ADAMTS10: variants seen among roughly 807,000 people sequenced by gnomAD.
ADAMTS10 encodes A disintegrin and metalloproteinase with thrombospondin motifs 10.
ADAMTS10 carries 48 observed loss-of-function variants against 135.9 expected under a neutral mutation model. The observed-to-expected ratio is 0.35, with a 90% confidence interval of 0.28 to 0.45. The LOEUF (loss-of-function observed/expected upper bound fraction) is 0.45. Among genes scored for constraint, ADAMTS10 ranks in the 20% least tolerant of loss-of-function variants. The pLI is 1.00. For missense variants in ADAMTS10, 1,131 were observed against 1,565.2 expected (o/e 0.72, Z 4.68); for synonymous variants, 621 against 647.5 (o/e 0.96, Z 0.62).
intron 15 of ADAMTS10, 35 bp from the exon 16 acceptor site, chr19:8,590,026 G>C: frequency 6.8e-7 from 1 of 1,479,714 alleles, no homozygotes. Flanking sequence ...AGGGAGGCCA[G>C]GCTTGGGGGG....
chr19:8,585,334 C>A (rs1411077838), intron 23 of ADAMTS10, 26 bp from the exon 24 acceptor site: 5 of 1,533,076 alleles, frequency 3.3e-6, no homozygotes, highest in Non-Finnish European at 3.5e-6. Flanking sequence ...GCGTTTCGTG[C>A]TCAGGGTGCT....
intron 12 of ADAMTS10, among the ~76,000 whole-genome samples, chr19:8,594,396 C>A (rs2042579732): frequency 6.6e-6 from 1 of 152,190 alleles, no homozygotes; most frequent in Non-Finnish European, 1.5e-5. Context: ...GGACCAGGCA[C>A]CAGGCTGAAC....
intron 4 of ADAMTS10, 82 bp from the exon 5 acceptor site, chr19:8,603,966 A>T: frequency 1.4e-6 from 2 of 1,382,428 alleles, no homozygotes; most frequent in Non-Finnish European, 2.0e-6. Flanking sequence ...CTCTGTCTTT[A>T]TGATTTCATT....
intron 6 of ADAMTS10, among the ~76,000 whole-genome samples, chr19:8,599,843 AT>A (rs1286068088): frequency 6.0e-5 from 9 of 149,360 alleles, no homozygotes; most frequent in African/African-American, 1.7e-4. Context: ...TTATTTTTTT[AT>A]TTTTTTTTGA....
intron 25 of ADAMTS10, among the ~76,000 whole-genome samples, chr19:8,584,106 G>A (rs1354892782): frequency 2.2e-5 from 3 of 135,290 alleles, no homozygotes; most frequent in African/African-American, 8.5e-5. Flanking sequence ...GCAGTGAGCC[G>A]AGATCAGGTC....
In ADAMTS10 at chr19:8,595,820, T is replaced by C; in HGVS notation, c.1421A>G (p.Asp474Gly). 2 of 1,613,982 alleles carry C rather than the reference T, an allele frequency of 1.2e-6. No individual in the cohort carries two copies. Among genetic ancestry groups the C allele is most frequent in the Non-Finnish European group, 1.7e-6 (2 of 1,179,918 alleles). ...YPTVAPGQAYDADEQCRFQHG... is the reference protein window; with the variant it reads ...YPTVAPGQAYGADEQCRFQHG... ...CTGAAAGCGGCATTGCTCATCTGCA[T>C]CGTAGGCTTGGCCCGGTGCCACTGT... Residue 474 changes from aspartate to glycine, a missense_variant, in exon 12 of 26, where the codon GAT (aspartate) becomes GGT (glycine). Coordinates refer to ENST00000597188, the MANE Select transcript of ADAMTS10 (RefSeq NM_030957.4).
chr19:8,581,672 T>C (rs2042352154), intron 25 of ADAMTS10, among the ~76,000 whole-genome samples: 1 of 151,760 alleles, frequency 6.6e-6, no homozygotes, highest in Non-Finnish European at 1.5e-5. Context: ...CCATCTCTAC[T>C]AAAAATATAA....
chr19:8,602,204 T>C (rs182308778), intron 5 of ADAMTS10, among the ~76,000 whole-genome samples: 2 of 152,312 alleles, frequency 1.3e-5, no homozygotes, highest in African/African-American at 4.8e-5. Flanking sequence ...CATCCACCTT[T>C]TTTCTGTCTG....
At chr19:8,604,967 A>C (rs868972246) in intron 4 of ADAMTS10, 45 bp downstream of exon 4, 7 of 1,544,632 alleles carry the variant, frequency 4.5e-6, no homozygotes, top group Middle Eastern at 3.4e-4. Context: ...CTTAACTTCC[A>C]AACTTATGGG....
chr19:8,601,208 A>C lies in ADAMTS10; in HGVS notation c.593-63T>G. ...TGGTGGGACGCAGAGCTGCCTGACAACTGTCTTGTCCAACCTCTGACTGGC... is the reference window on the plus strand; with the variant it reads ...TGGTGGGACGCAGAGCTGCCTGACACCTGTCTTGTCCAACCTCTGACTGGC... On this transcript the variant is annotated intron_variant, in intron 5 of 25. Coordinates refer to ENST00000597188, the MANE Select transcript of ADAMTS10 (RefSeq NM_030957.4). The surrounding 1 kb of genome is among the most constrained non-coding windows in gnomAD (Gnocchi z 4.6). The C allele has an allele frequency of 6.4e-7, 1 of 1,564,748 alleles. No individual in the cohort carries two copies. The highest frequency in any genetic ancestry group is 8.7e-7 in the Non-Finnish European group (1 of 1,152,298).
intron 21 of ADAMTS10, 34 bp downstream of exon 21, chr19:8,586,310 G>A (rs1555737149): frequency 6.2e-7 from 1 of 1,613,322 alleles, no homozygotes. Context: ...CCTCAGCCCA[G>A]GTATCTTGTG....
intron 13 of ADAMTS10, 148 bp from the exon 14 acceptor site, chr19:8,592,251 G>T: frequency 6.9e-7 from 1 of 1,459,696 alleles, no homozygotes; most frequent in Non-Finnish European, 9.2e-7. Context: ...ACAGAGTCAG[G>T]TTACGTAGGA....
rs1032132421 is a variant in ADAMTS10, at chr19:8,601,349, C to T, written c.593-204G>A. On this transcript the variant is annotated intron_variant, in intron 5 of 25. Transcript: ENST00000597188. The surrounding 1 kb of genome is among the most constrained non-coding windows in gnomAD (Gnocchi z 4.6). Reference sequence around the variant, plus strand: ...CCCAATGGGCTGCCAAACACCTCATCGTTTTTCTTATTCTTTTTTTTTTTT... The same window carrying T: ...CCCAATGGGCTGCCAAACACCTCATTGTTTTTCTTATTCTTTTTTTTTTTT... Among the ~76,000 whole-genome samples the T allele has an allele frequency of 4.0e-5, 6 of 149,810 alleles. No individual in the cohort carries two copies. Among genetic ancestry groups the T allele is most frequent in the Admixed American group, 2.0e-4 (3 of 14,948 alleles).
intron 22 of ADAMTS10, among the ~76,000 whole-genome samples, 197 bp downstream of exon 22, chr19:8,585,925 A>T (rs2042421761): frequency 6.6e-6 from 1 of 152,112 alleles, no homozygotes. Context: ...AGGGCCATGC[A>T]GCTTTGACCG....
Position 8,601,219 on chromosome 19 carries a change from C to A in ADAMTS10, c.593-74G>T. 6.7e-7 allele frequency: 1 copy of A among 1,495,068 alleles called. No individual in the cohort carries two copies. Among genetic ancestry groups the A allele is most frequent in the Non-Finnish European group, 9.1e-7 (1 of 1,095,842 alleles). 92.6% of individuals were successfully genotyped at this position (1,495,068 alleles called of 1,614,324 possible). On this transcript the variant is annotated intron_variant, in intron 5 of 25. Transcript: ENST00000597188. The surrounding 1 kb of genome is among the most constrained non-coding windows in gnomAD (Gnocchi z 4.6). ...AGAGCTGCCTGACAACTGTCTTGTC[C>A]AACCTCTGACTGGCTACCTCTCTAC...
intron 5 of ADAMTS10, among the ~76,000 whole-genome samples, chr19:8,602,783 A>T (rs2042681014): frequency 6.6e-6 from 1 of 151,920 alleles, no homozygotes; most frequent in South Asian, 2.1e-4. Context: ...ACACCACCAC[A>T]CCTGGCTTAT....
chr19:8,589,728 G>A (rs370753312), intron 16 of ADAMTS10, 143 bp from the exon 17 acceptor site: 232 of 1,451,558 alleles, frequency 1.6e-4, no homozygotes, highest in Admixed American at 2.0e-4. Context: ...GGCTCCCAGC[G>A]TCACGTTGAA....
chr19:8,597,391 A>T, intron 6 of ADAMTS10, 74 bp from the exon 7 acceptor site: 1 of 1,360,646 alleles, frequency 7.3e-7, no homozygotes, highest in Non-Finnish European at 1.0e-6. Context: ...AAAAACAATG[A>T]TAACAGCTTG....
chr19:8,596,209 T>A lies in ADAMTS10; in HGVS notation c.1201A>T (p.Asn401Tyr). ...AHEIGHTFGMNHDGVGNSCGA... is the reference protein window; with the variant it reads ...AHEIGHTFGMYHDGVGNSCGA... ...CAGCTGTTTCCCACGCCGTCATGGT[T>A]CATGCCGAATCTGGGGAAAGGGGTG... is the stretch of plus-strand genomic sequence containing the variant. The change falls in exon 11 of 26, where the codon AAC (asparagine) becomes TAC (tyrosine). Residue 401 changes from asparagine (N) to tyrosine (Y), a missense_variant. Asn to Tyr is a moderately radical substitution (Grantham distance 143). Coordinates refer to ENST00000597188, the MANE Select transcript of ADAMTS10 (RefSeq NM_030957.4). This position sits in a 1 kb window ranked among gnomAD's most constrained non-coding sequence, Gnocchi z 7.2. 1 of 1,613,966 alleles carries A rather than the reference T, an allele frequency of 6.2e-7. No individual in the cohort carries two copies. Among genetic ancestry groups the A allele is most frequent in the Non-Finnish European group, 8.5e-7 (1 of 1,180,016 alleles).
Sources: gnomAD v4.1 joint callset for allele counts (sites outside exome capture counted in the v4.1 genomes callset) on GRCh38, gnomAD v4.1.1 for gene constraint, Gnocchi (gnomAD v3.1) non-coding constraint, MANE v1.5 for transcripts, NCBI Gene and HGNC (gene_info 2026-07-23, HGNC 2026-07-21) for gene names.